Variants in EIF2B5 observed in about 807,000 individuals in gnomAD.
EIF2B5 encodes translation initiation factor eIF2B subunit epsilon.
In EIF2B5, 38 loss-of-function variants were observed where a neutral mutation model predicts 87.3. That is an observed-to-expected ratio of 0.44 (90% CI 0.34 to 0.57). EIF2B5 has a LOEUF of 0.57. EIF2B5 is among the 20% of genes least tolerant of loss of function. The pLI is 0.02. For synonymous variants in EIF2B5, 313 were observed against 339.6 expected (o/e 0.92, Z 0.86); for missense variants, 784 against 909.5 (o/e 0.86, Z 1.78).
At chr3:184,137,545 G>A in intron 2 of EIF2B5, 75 bp from the exon 3 acceptor site, 1 of 1,479,468 alleles carries the variant, frequency 6.8e-7, no homozygotes, top group Non-Finnish European at 9.4e-7. Flanking sequence ...GTGCTGAAAG[G>A]GGGTGAAAAA....
intron 5 of EIF2B5, chr3:184,138,875 T>C: frequency 3.4e-6 from 1 of 295,012 alleles, no homozygotes; most frequent in South Asian, 2.6e-5. Context: ...TTGTCCGGCC[T>C]GGTCACGAAC....
chr3:184,135,560 A>G lies in EIF2B5; in HGVS notation c.175A>G (p.Ile59Val), dbSNP rs532061451. ...ADSFDRRFFP[I>V]SKDQPRVLLP... ...TAGCTTCGATCGCCGCTTCTTCCCC[A>G]TCTCCAAGGACCAGCCTCGGGTGAG... The change falls in exon 1 of 16, where the codon ATC (isoleucine) becomes GTC (valine). Residue 59 changes from isoleucine (I) to valine (V), a missense_variant. Around this residue, in one of 3 missense-constraint regions of EIF2B5, gnomAD observed 117 missense variants for 101.0 expected, o/e 1.16. Coordinates refer to ENST00000648915, the MANE Select transcript of EIF2B5 (RefSeq NM_003907.3). 9 of 1,590,278 alleles carry G rather than the reference A, an allele frequency of 5.7e-6. 1 individual carries two copies. The South Asian group carries it at 6.8e-5, about 12-fold the overall frequency.
chr3:184,140,255 C>A, intron 6 of EIF2B5, 98 bp downstream of exon 6: 1 of 1,442,672 alleles, frequency 6.9e-7, no homozygotes, highest in Non-Finnish European at 9.7e-7. Context: ...TTTATTGAGG[C>A]TTAGGAGGGA....
At chr3:184,144,338 C>G in intron 14 of EIF2B5, 114 bp downstream of exon 14, 1 of 1,507,076 alleles carries the variant, frequency 6.6e-7, no homozygotes, top group Non-Finnish European at 9.1e-7. Flanking sequence ...ACCATCCACT[C>G]CCAATATGCT....
intron 13 of EIF2B5, 88 bp downstream of exon 13, chr3:184,143,653 C>A: frequency 6.3e-7 from 1 of 1,594,866 alleles, no homozygotes; most frequent in South Asian, 1.1e-5. Flanking sequence ...GGGTGTATGT[C>A]ACTTCTGGTT....
intron 5 of EIF2B5, 39 bp downstream of exon 5, chr3:184,138,285 A>T: frequency 4.5e-6 from 7 of 1,539,558 alleles, no homozygotes; most frequent in Non-Finnish European, 6.3e-6. Context: ...CCCAAAGAGT[A>T]GAACTCTGTG....
In EIF2B5 at chr3:184,142,076, A is replaced by T. The variant is rs1327201274; in HGVS notation, c.1302+6A>T. On this transcript the variant is annotated splice_donor_region_variant and intron_variant, in intron 8 of 15. Transcript: ENST00000648915. This position sits in a 1 kb window ranked among gnomAD's most constrained non-coding sequence, Gnocchi z 5.0. ...GCTCTGTCCTCACTTCCCAGGTGAG[A>T]CCTGATCTATACTGTGCACAGGCCC... 6.2e-7 allele frequency: 1 copy of T among 1,614,100 alleles called. No individual in the cohort carries two copies. The highest frequency in any genetic ancestry group is 1.7e-5 in the Admixed American group (1 of 60,008).
chr3:184,137,963 G>A lies in EIF2B5; in HGVS notation c.572G>A (p.Ser191Asn), dbSNP rs765123308. Residue 191 changes from serine to asparagine, a missense_variant, in exon 4 of 16, where the codon AGC (serine) becomes AAC (asparagine). By Grantham distance (46) the Ser-to-Asn change is conservative. Around this residue, in one of 3 missense-constraint regions of EIF2B5, gnomAD observed 660 missense variants for 789.5 expected, o/e 0.84. Coordinates refer to ENST00000648915, the MANE Select transcript of EIF2B5 (RefSeq NM_003907.3). ...MTMIFKESSP[S>N]HPTRCHEDNV... ...ATGATCTTCAAGGAGTCATCCCCCAGCCACCCAACTCGTTGCCACGAAGAC... is the reference window on the plus strand; with the variant it reads ...ATGATCTTCAAGGAGTCATCCCCCAACCACCCAACTCGTTGCCACGAAGAC... The A allele has an allele frequency of 6.2e-7, 1 of 1,614,218 alleles. No individual in the cohort carries two copies. The highest frequency in any genetic ancestry group is 1.1e-5 in the South Asian group (1 of 91,086).
chr3:184,142,292 C>T lies in EIF2B5; in HGVS notation c.1358C>T (p.Pro453Leu), dbSNP rs1375131270. The T allele has an allele frequency of 6.2e-7, 1 of 1,614,096 alleles. No individual in the cohort carries two copies. Among genetic ancestry groups the T allele is most frequent in the Non-Finnish European group, 8.5e-7 (1 of 1,180,034 alleles). Reference protein sequence around the residue: ...LPEGSVISLHPPDAEEDEDDG... With the variant: ...LPEGSVISLHLPDAEEDEDDG... ...GAGGGCTCGGTGATCTCTTTGCACC[C>T]TCCAGATGCAGAGGAAGATGAAGAT... The change falls in exon 9 of 16, where the codon CCT becomes CTT. Residue 453 changes from proline (P) to leucine (L), a missense_variant. Physicochemically the swap from Pro to Leu is moderately conservative, Grantham distance 98. Coordinates refer to ENST00000648915, the MANE Select transcript of EIF2B5 (RefSeq NM_003907.3). The surrounding 1 kb of genome is among the most constrained non-coding windows in gnomAD (Gnocchi z 5.0).
rs779026360 is a variant in EIF2B5, at chr3:184,142,353, A to T, written c.1419A>T (p.Gln473His). The T allele has an allele frequency of 5.0e-6, 8 of 1,614,172 alleles. No homozygotes were observed. Among genetic ancestry groups the T allele is most frequent in the Non-Finnish European group, 2.5e-6 (3 of 1,180,020 alleles). Reference protein sequence around the residue: ...GEFSDDSGADQEKDKVKMKGY... With the variant: ...GEFSDDSGADHEKDKVKMKGY... The stretch of plus-strand genomic sequence containing the variant: ...TCAGTGATGATTCTGGGGCTGACCA[A>T]GAAAAGGACAAAGTGAAGATGAAAG... The change falls in exon 9 of 16, where the codon CAA (glutamine) becomes CAT (histidine). Residue 473 changes from glutamine (Q) to histidine (H), a missense_variant. Gln to His is a conservative substitution (Grantham distance 24). Coordinates refer to ENST00000648915, the MANE Select transcript of EIF2B5 (RefSeq NM_003907.3). This position sits in a 1 kb window ranked among gnomAD's most constrained non-coding sequence, Gnocchi z 5.0.
At chr3:184,135,650 G>A in intron 1 of EIF2B5, 70 bp downstream of exon 1, 2 of 1,540,384 alleles carry the variant, frequency 1.3e-6, no homozygotes, top group Admixed American at 2.0e-5. Context: ...TCTCATTTCG[G>A]CTAACTACAA....
rs760327970 is a variant in EIF2B5 at position 184,137,778 on chromosome 3, A to T, written c.479A>T (p.Asn160Ile). Residue 160 changes from asparagine to isoleucine, a missense_variant, in exon 3 of 16, where the codon AAT (asparagine) becomes ATT (isoleucine). This residue lies in a region of EIF2B5 where 660 missense variants were observed against 789.5 expected (regional missense o/e 0.84). Transcript: ENST00000648915. Reference protein sequence around the residue: ...LVYGDVISNINITRALEEHRL... With the variant: ...LVYGDVISNIIITRALEEHRL... Reference sequence around the variant, plus strand: ...TATGGGGATGTCATCTCAAACATCAATATCACCAGAGCCCTTGAGGAACAC... The same window carrying T: ...TATGGGGATGTCATCTCAAACATCATTATCACCAGAGCCCTTGAGGAACAC... 2 of 1,614,228 alleles carry T rather than the reference A, an allele frequency of 1.2e-6. No homozygotes were observed. Among genetic ancestry groups the T allele is most frequent in the Admixed American group, 1.7e-5 (1 of 60,022 alleles).
rs1560108537 is a variant in EIF2B5 at position 184,140,604 on chromosome 3, C to G, written c.1030C>G (p.Arg344Gly). 2 of 1,614,146 alleles carry G rather than the reference C, an allele frequency of 1.2e-6. No individual in the cohort carries two copies. The highest frequency in any genetic ancestry group is 1.7e-6 in the Non-Finnish European group (2 of 1,180,034). Residue 344 changes from arginine to glycine, a missense_variant, in exon 7 of 16, where the codon CGA becomes GGA. Arg to Gly is a moderately radical substitution (Grantham distance 125). Coordinates refer to ENST00000648915, the MANE Select transcript of EIF2B5 (RefSeq NM_003907.3). ...SCTHSRHNIYRGPEVSLGHGS... is the reference protein window; with the variant it reads ...SCTHSRHNIYGGPEVSLGHGS... ...CACTCATTCCCGGCACAACATCTAC[C>G]GAGGGCCTGAGGTCAGCCTGGGCCA...
At chr3:184,141,045 C>A (rs1713612044) in intron 7 of EIF2B5, 2 of 393,208 alleles carry the variant, frequency 5.1e-6, no homozygotes. Context: ...CTTTTATATA[C>A]ATTGTTACAT....
At position 184,142,408 on chromosome 3, in the gene EIF2B5, G is replaced by C. The variant is rs1254412607; in HGVS notation, c.1444+30G>C. On this transcript the variant is annotated intron_variant, in intron 9 of 15. Transcript: ENST00000648915. The surrounding 1 kb of genome is among the most constrained non-coding windows in gnomAD (Gnocchi z 5.0). Reference sequence around the variant, plus strand: ...GAGACTCAACAGGTGTGGGGCATCTGTGTGTCTCGCTGCCTCATAGAAGAA... The same window carrying C: ...GAGACTCAACAGGTGTGGGGCATCTCTGTGTCTCGCTGCCTCATAGAAGAA... 1 of 1,614,222 alleles carries C rather than the reference G, an allele frequency of 6.2e-7. No individual in the cohort carries two copies.
chr3:184,138,937 C>T (rs1298131629), intron 5 of EIF2B5: 1 of 269,848 alleles, frequency 3.7e-6, no homozygotes, highest in Non-Finnish European at 7.4e-6. Flanking sequence ...GCTGGGATTA[C>T]AGGCATGAGC....
Position 184,144,190 on chromosome 3 carries a change from T to C in EIF2B5, c.1961T>C (p.Leu654Pro). Reference sequence around the variant, plus strand: ...TTAGCAGCCATTGAGGACTTCTTCCTAGAGCATGAAGCTCTTGGTATTTCC... The same window carrying C: ...TTAGCAGCCATTGAGGACTTCTTCCCAGAGCATGAAGCTCTTGGTATTTCC... ...EALAAIEDFF[L>P]EHEALGISMA... Residue 654 changes from leucine to proline, a missense_variant, in exon 14 of 16, where the codon CTA becomes CCA. By Grantham distance (98) the Leu-to-Pro change is moderately conservative (BLOSUM62 -3). Around this residue, in one of 3 missense-constraint regions of EIF2B5, gnomAD observed 660 missense variants for 789.5 expected, o/e 0.84. Transcript: ENST00000648915. The C allele has an allele frequency of 6.2e-7, 1 of 1,614,224 alleles. No homozygotes were observed. The highest frequency in any genetic ancestry group is 8.5e-7 in the Non-Finnish European group (1 of 1,180,042).
rs1064794256 is a variant in EIF2B5 at position 184,144,175 on chromosome 3, T to C, written c.1946T>C (p.Ile649Thr). 18 of 1,614,252 alleles carry C rather than the reference T, an allele frequency of 1.1e-5. No homozygotes were observed. The highest frequency in any genetic ancestry group is 1.4e-5 in the Non-Finnish European group (16 of 1,180,046). Residue 649 changes from isoleucine (I) to threonine (T), a missense_variant, in exon 14 of 16, where the codon ATT (isoleucine) becomes ACT (threonine). Physicochemically the swap from Ile to Thr is moderately conservative, Grantham distance 89 (BLOSUM62 -1). Transcript: ENST00000648915. ...GACCATTTGGAAGCGTTAGCAGCCA[T>C]TGAGGACTTCTTCCTAGAGCATGAA... ...AADHLEALAA[I>T]EDFFLEHEAL...
rs1447820292 is a variant in EIF2B5, at chr3:184,145,281, A to G, written c.*338A>G. 1.5e-5 allele frequency: 6 copies of G among 400,118 alleles called. No individual in the cohort carries two copies. Among genetic ancestry groups the G allele is most frequent in the East Asian group, 5.4e-5 (1 of 18,626 alleles). 24.8% of individuals were successfully genotyped at this position (400,118 alleles called of 1,614,324 possible). A position where few individuals can be genotyped will look rare whatever the true frequency, so the allele number is the denominator to read the frequency against. On this transcript the variant is annotated 3_prime_UTR_variant, in exon 16 of 16. Transcript: ENST00000648915. The surrounding 1 kb of genome is among the most constrained non-coding windows in gnomAD (Gnocchi z 4.0). Reference sequence around the variant, plus strand: ...GCAGTTGGCTCTTTCTGCTGCTTGTATATGTTAATATTAAAAGAGAGAGTG... The same window carrying G: ...GCAGTTGGCTCTTTCTGCTGCTTGTGTATGTTAATATTAAAAGAGAGAGTG...
Sources: allele counts gnomAD v4.1 joint callset, GRCh38; gene constraint gnomAD v4.1.1; regional missense constraint gnomAD v4.1.1; non-coding constraint Gnocchi (gnomAD v3.1); transcripts MANE v1.5; gene names NCBI Gene and HGNC (gene_info 2026-07-23, HGNC 2026-07-21).